Variants in APBB2 observed in about 807,000 individuals in gnomAD.
APBB2 encodes Fe65-like 1.
In APBB2, 38 loss-of-function variants were observed where a neutral mutation model predicts 82.5. The observed-to-expected ratio is 0.46, with a 90% confidence interval of 0.36 to 0.60. APBB2 has a LOEUF of 0.60. Ranked by LOEUF, APBB2 falls within the 20% of genes least tolerant of loss-of-function variation. The pLI, the probability that APBB2 is intolerant of heterozygous loss-of-function variation, is 0.00. For missense variants in APBB2, 772 were observed against 972.3 expected, an observed-to-expected ratio of 0.79 and a Z score of 2.74; for synonymous variants, 341 against 368.2, an observed-to-expected ratio of 0.93 and a Z score of 0.85.
chr4:40,908,597 C>G (rs960955757), intron 10 of APBB2, among the ~76,000 whole-genome samples: 1 of 152,074 alleles, frequency 6.6e-6, no homozygotes, highest in Non-Finnish European at 1.5e-5. Context: ...TAGCTACACC[C>G]GGCTGGCACC....
intron 10 of APBB2, among the ~76,000 whole-genome samples, chr4:40,898,054 G>A (rs527718705): frequency 6.6e-6 from 1 of 152,304 alleles, no homozygotes; most frequent in African/African-American, 2.4e-5. Context: ...AGAGGAGTCT[G>A]GATTCAAGTC....
chr4:41,028,910 C>G (rs62412146), intron 5 of APBB2, among the ~76,000 whole-genome samples: 6,967 of 152,234 alleles, frequency 0.046, 338 homozygotes, highest in African/African-American at 0.12. Flanking sequence ...GGCTTTCCCC[C>G]TCCTCCTTTT....
intron 1 of APBB2, among the ~76,000 whole-genome samples, chr4:41,148,796 CT>C (rs1200051618): frequency 6.6e-6 from 1 of 152,094 alleles, no homozygotes; most frequent in Non-Finnish European, 1.5e-5. Context: ...CGAGCAATCA[CT>C]ATGTATCAGG....
chr4:40,906,286 T>C (rs1776677274), intron 10 of APBB2, among the ~76,000 whole-genome samples: 1 of 150,720 alleles, frequency 6.6e-6, no homozygotes, highest in Non-Finnish European at 1.5e-5. Flanking sequence ...AAGACCCTGT[T>C]TCTACAAAAA....
At chr4:41,029,544 T>G (rs59114477) in intron 5 of APBB2, among the ~76,000 whole-genome samples, 6,949 of 152,246 alleles carry the variant, frequency 0.046, 332 homozygotes, top group African/African-American at 0.12. Flanking sequence ...GAGGACTCAC[T>G]CTGTTCAATG....
chr4:40,982,273 AGAAAGAAAGAAGGAAGGAAG>A (rs1420506138), intron 6 of APBB2, among the ~76,000 whole-genome samples: 1 of 29,106 alleles, frequency 3.4e-5, no homozygotes, highest in African/African-American at 1.3e-4. Flanking sequence ...AAAGAAAGAA[AGAAAGAAAGAAGGAAGGAAG>A]GAAGGAAGGA....
intron 12 of APBB2, among the ~76,000 whole-genome samples, chr4:40,871,026 G>C (rs907914078): frequency 1.3e-5 from 2 of 151,702 alleles, no homozygotes; most frequent in Admixed American, 1.3e-4. Context: ...ATATGTGTAA[G>C]TGTCTCTCAG....
chr4:40,950,282 A>T (rs1382024324), intron 6 of APBB2, among the ~76,000 whole-genome samples: 2 of 152,256 alleles, frequency 1.3e-5, no homozygotes, highest in Admixed American at 1.3e-4. Flanking sequence ...AGAAAATAGT[A>T]TTAACTAGTA....
intron 3 of APBB2, among the ~76,000 whole-genome samples, chr4:41,083,990 G>A (rs1321142879): frequency 6.6e-6 from 1 of 152,092 alleles, no homozygotes; most frequent in African/African-American, 2.4e-5. Flanking sequence ...ATATTAAAAT[G>A]TGAAAAGATC....
chr4:40,926,701 G>T (rs147008447), intron 10 of APBB2, among the ~76,000 whole-genome samples: 1 of 152,144 alleles, frequency 6.6e-6, no homozygotes, highest in Non-Finnish European at 1.5e-5. Context: ...GATCCGCCAC[G>T]CCTGGCCCCA....
At position 40,941,684 on chromosome 4, in the gene APBB2, C is replaced by G. The variant is rs149720141; in HGVS notation, c.1044+3181G>C. On this transcript the variant is annotated intron_variant, in intron 7 of 17. Transcript: ENST00000508593. ...TTACCCTGTTATCCAGGCTGGAGTG[C>G]TATGGTGTGATCATAGCTCACCTGC... Among the ~76,000 whole-genome samples the G allele has an allele frequency of 4.4e-3, 673 of 152,314 alleles. 5 individuals carry two copies. Among genetic ancestry groups the G allele is most frequent in the African/African-American group, 0.015 (640 of 41,574 alleles).
chr4:40,823,792 T>A, intron 15 of APBB2, 33 bp from the exon 16 acceptor site: 1 of 1,456,938 alleles, frequency 6.9e-7, no homozygotes, highest in Non-Finnish European at 9.5e-7. Context: ...TAAAGTGTCC[T>A]AAAGCCACTT....
intron 4 of APBB2, among the ~76,000 whole-genome samples, chr4:41,041,446 A>G (rs896652512): frequency 1.1e-4 from 17 of 152,208 alleles, no homozygotes; most frequent in African/African-American, 3.9e-4. Flanking sequence ...GGCATATAAC[A>G]TTGTACTCTA....
Position 40,826,932 on chromosome 4 carries a change from C to T in APBB2, c.1732+200G>A, listed in dbSNP as rs148629542. On this transcript the variant is annotated intron_variant, in intron 14 of 17. Transcript: ENST00000508593. This position sits in a 1 kb window ranked among gnomAD's most constrained non-coding sequence, Gnocchi z 4.5. Reference sequence around the variant, plus strand: ...CTTGTCCAATAACAACAAAACTCATCCTGGCTTTATGCCTAACCCTAGTGA... The same window carrying T: ...CTTGTCCAATAACAACAAAACTCATTCTGGCTTTATGCCTAACCCTAGTGA... 4.0e-4 allele frequency: 204 copies of T among 515,542 alleles called. 3 individuals are homozygous for T. The East Asian group carries it at 6.3e-3, about 16-fold the overall frequency. 31.9% of individuals were successfully genotyped at this position (515,542 alleles called of 1,614,324 possible). A position where few individuals can be genotyped will look rare whatever the true frequency, so the allele number is the denominator to read the frequency against.
At chr4:41,093,998 T>G (rs907322882) in intron 3 of APBB2, among the ~76,000 whole-genome samples, 1 of 151,994 alleles carries the variant, frequency 6.6e-6, no homozygotes, top group Non-Finnish European at 1.5e-5. Context: ...CAAACAAGAG[T>G]GACTGTCAGC....
chr4:40,876,893 T>C (rs1432043002), intron 12 of APBB2, among the ~76,000 whole-genome samples: 1 of 152,250 alleles, frequency 6.6e-6, no homozygotes, highest in African/African-American at 2.4e-5. Context: ...GTTTATCTAT[T>C]TACCTGCTGA....
intron 10 of APBB2, among the ~76,000 whole-genome samples, chr4:40,919,650 C>T (rs1292353762): frequency 6.6e-6 from 1 of 152,206 alleles, no homozygotes; most frequent in Non-Finnish European, 1.5e-5. Context: ...TCCACACAGC[C>T]GCCCAAACGG....
At chr4:41,159,904 GAGA>G (rs1324477367) in intron 1 of APBB2, among the ~76,000 whole-genome samples, 5 of 59,146 alleles carry the variant, frequency 8.5e-5, no homozygotes, top group South Asian at 1.3e-3. Flanking sequence ...GAAGAAGAAG[GAGA>G]AGGAGGAGGA....
At chr4:41,153,491 T>C (rs1203419876) in intron 1 of APBB2, among the ~76,000 whole-genome samples, 1 of 152,180 alleles carries the variant, frequency 6.6e-6, no homozygotes, top group Admixed American at 6.5e-5. Flanking sequence ...GACCCTTCTC[T>C]TTCCCCTACT....
Sources: gnomAD v4.1 joint callset for allele counts (sites outside exome capture counted in the v4.1 genomes callset) on GRCh38, gnomAD v4.1.1 for gene constraint, Gnocchi (gnomAD v3.1) non-coding constraint, MANE v1.5 for transcripts, NCBI Gene and HGNC (gene_info 2026-07-23, HGNC 2026-07-21) for gene names.